Variants in EPHA3 observed in about 807,000 individuals in gnomAD.
The protein encoded by EPHA3 is EPH receptor A3.
EPHA3 carries 42 observed loss-of-function variants against 107.1 expected under a neutral mutation model. The ratio of observed to expected loss-of-function variants is 0.39; its 90% CI spans 0.31 to 0.51. The LOEUF (loss-of-function observed/expected upper bound fraction) is 0.51, where lower values mean the gene tolerates loss of function less well. Ranked by LOEUF, EPHA3 falls within the 20% of genes least tolerant of loss-of-function variation. EPHA3 has a pLI of 0.78. For synonymous variants in EPHA3, 461 were observed against 424.8 expected (o/e 1.09, Z -1.05); for missense variants, 1,183 against 1,211.2 (o/e 0.98, Z 0.35).
intron 2 of EPHA3, among the ~76,000 whole-genome samples, chr3:89,164,278 A>G (rs761529112): frequency 4.6e-5 from 7 of 152,180 alleles, no homozygotes; most frequent in Non-Finnish European, 1.0e-4. Context: ...AAAAATAATC[A>G]CCAAAAAACT....
At chr3:89,108,463 A>G (rs1425803081) in intron 1 of EPHA3, among the ~76,000 whole-genome samples, 1 of 152,224 alleles carries the variant, frequency 6.6e-6, no homozygotes, top group Non-Finnish European at 1.5e-5. Context: ...TGCAAGAATT[A>G]CAATAAGCTT....
At chr3:89,222,496 A>G (rs6796573) in intron 3 of EPHA3, among the ~76,000 whole-genome samples, 2,068 of 148,782 alleles carry the variant, frequency 0.014, 42 homozygotes, top group African/African-American at 0.048. Context: ...TAATATATGT[A>G]TTATATAAAT....
chr3:89,191,283 T>C (rs989655708), intron 2 of EPHA3, among the ~76,000 whole-genome samples: 2 of 151,554 alleles, frequency 1.3e-5, no homozygotes, highest in African/African-American at 4.8e-5. Context: ...ATTATATTTT[T>C]ATTTTTATTT....
In EPHA3 at chr3:89,481,901, A is replaced by G. The variant is rs926520705; in HGVS notation, c.*2399A>G. 1.9e-4 allele frequency: 44 copies of G among 228,602 alleles called. 1 individual carries two copies. Among genetic ancestry groups the G allele is most frequent in the African/African-American group, 6.9e-4 (31 of 45,194 alleles). 14.2% of individuals were successfully genotyped at this position (228,602 alleles called of 1,614,324 possible). ...TTTGTATCTTAAATTTGATTTACATATATTATTTATTTCTGGTAACTCACT... is the reference window on the plus strand; with the variant it reads ...TTTGTATCTTAAATTTGATTTACATGTATTATTTATTTCTGGTAACTCACT... On this transcript the variant is annotated 3_prime_UTR_variant, in exon 17 of 17. Transcript: ENST00000336596.
In EPHA3 at chr3:89,443,803, A is replaced by G. The variant is rs115758480; in HGVS notation, c.2347-5422A>G. Among the ~76,000 whole-genome samples the G allele has an allele frequency of 1.0e-2, 1,516 of 152,314 alleles. 27 individuals carry two copies. Among genetic ancestry groups the G allele is most frequent in the African/African-American group, 0.035 (1,452 of 41,570 alleles). On this transcript the variant is annotated intron_variant, in intron 13 of 16. Transcript: ENST00000336596. ...TAGGCAGGATAATAAAGCAGTAGAAAGATCACAGAGGATGGAATGACCAAC... is the reference window on the plus strand; with the variant it reads ...TAGGCAGGATAATAAAGCAGTAGAAGGATCACAGAGGATGGAATGACCAAC...
intron 5 of EPHA3, among the ~76,000 whole-genome samples, chr3:89,360,052 A>G (rs1382453743): frequency 6.7e-6 from 1 of 150,104 alleles, no homozygotes; most frequent in Non-Finnish European, 1.5e-5. Context: ...TGCCAGTCCT[A>G]TTTATCTAAC....
At chr3:89,271,363 G>T (rs1705665540) in intron 3 of EPHA3, among the ~76,000 whole-genome samples, 1 of 152,026 alleles carries the variant, frequency 6.6e-6, no homozygotes, top group Non-Finnish European at 1.5e-5. Flanking sequence ...GTACAGCAAA[G>T]TTAGGTATAT....
chr3:89,460,586 T>A (rs1434672317), intron 15 of EPHA3, among the ~76,000 whole-genome samples: 2 of 149,738 alleles, frequency 1.3e-5, no homozygotes, highest in African/African-American at 4.9e-5. Context: ...GTAAAAAGCT[T>A]CTGATCTCTA....
intron 5 of EPHA3, 144 bp from the exon 6 acceptor site, chr3:89,395,693 T>A (rs1708834725): frequency 8.4e-6 from 8 of 956,754 alleles, no homozygotes; most frequent in African/African-American, 1.6e-5. Context: ...GCCTTGGAAA[T>A]GGAAATAGTG....
intron 5 of EPHA3, among the ~76,000 whole-genome samples, chr3:89,352,170 T>C (rs1443186381): frequency 1.3e-5 from 2 of 151,380 alleles, no homozygotes; most frequent in African/African-American, 4.8e-5. Flanking sequence ...TCCTATCCTC[T>C]GCTTTAGACA....
rs1447002695 is a variant in EPHA3, at chr3:89,472,517, C to G, written c.2744C>G (p.Thr915Arg). 2 of 1,614,066 alleles carry G rather than the reference C, an allele frequency of 1.2e-6. No homozygotes were observed. The highest frequency in any genetic ancestry group is 2.2e-5 in the South Asian group (2 of 91,074). Residue 915 changes from threonine to arginine, a missense_variant, in exon 16 of 17, where the codon ACA becomes AGA. Coordinates refer to ENST00000336596, the MANE Select transcript of EPHA3 (RefSeq NM_005233.6). ...QSNVDITTFRTTGDWLNGVWT... is the reference protein window; with the variant it reads ...QSNVDITTFRRTGDWLNGVWT... ...AATGTGGATATCACTACCTTCCGCACAACAGGTGACTGGCTTAATGGTGTC... is the reference window on the plus strand; with the variant it reads ...AATGTGGATATCACTACCTTCCGCAGAACAGGTGACTGGCTTAATGGTGTC...
At chr3:89,123,479 CCTT>C (rs1393382269) in intron 1 of EPHA3, among the ~76,000 whole-genome samples, 1 of 152,162 alleles carries the variant, frequency 6.6e-6, no homozygotes, top group Non-Finnish European at 1.5e-5. Flanking sequence ...CCATTCTACA[CCTT>C]CTTATTTACG....
chr3:89,206,729 C>G (rs188253867), intron 2 of EPHA3, among the ~76,000 whole-genome samples: 81 of 152,246 alleles, frequency 5.3e-4, no homozygotes, highest in African/African-American at 1.9e-3. Context: ...CAATGTAAAA[C>G]CCTAAGAACT....
At chr3:89,349,925 G>A (rs1399729861) in intron 5 of EPHA3, among the ~76,000 whole-genome samples, 3,571 of 138,530 alleles carry the variant, frequency 0.026, 130 homozygotes, top group African/African-American at 0.098. Flanking sequence ...TCTTTTCTTT[G>A]AGAATGTTGA....
chr3:89,420,256 C>T lies in EPHA3; in HGVS notation c.2074+866C>T, dbSNP rs111548162. On this transcript the variant is annotated intron_variant, in intron 11 of 16. Coordinates refer to ENST00000336596, the MANE Select transcript of EPHA3 (RefSeq NM_005233.6). ...TTGGCACCACATTTACATACTCTAT[C>T]GTTACCAACAGACATATTTTTCATA... is the stretch of plus-strand genomic sequence containing the variant. Among the ~76,000 whole-genome samples the T allele has an allele frequency of 8.4e-4, 128 of 151,574 alleles. 1 individual carries two copies. In the Middle Eastern group the frequency reaches 0.014, roughly 16 times the overall value.
At chr3:89,313,160 T>G (rs1454182937) in intron 3 of EPHA3, among the ~76,000 whole-genome samples, 2 of 152,060 alleles carry the variant, frequency 1.3e-5, no homozygotes, top group Non-Finnish European at 2.9e-5. Context: ...CCAATTATTT[T>G]ATTTTACAAT....
At chr3:89,392,424 G>A (rs558707971) in intron 5 of EPHA3, among the ~76,000 whole-genome samples, 5 of 150,836 alleles carry the variant, frequency 3.3e-5, no homozygotes, top group Non-Finnish European at 7.4e-5. Context: ...GACAACAAGA[G>A]TGAAACTCCA....
intron 5 of EPHA3, among the ~76,000 whole-genome samples, chr3:89,380,904 G>A (rs1425445511): frequency 6.6e-6 from 1 of 152,000 alleles, no homozygotes; most frequent in Non-Finnish European, 1.5e-5. Context: ...AAGTAGCTGG[G>A]ATTACAGGTG....
intron 3 of EPHA3, among the ~76,000 whole-genome samples, chr3:89,275,781 G>A (rs59445960): frequency 0.013 from 1,908 of 152,088 alleles, 40 homozygotes; most frequent in African/African-American, 0.043. Flanking sequence ...AAAAATCTTG[G>A]TTTATTTTAT....
Sources: gnomAD v4.1 joint callset for allele counts (sites outside exome capture counted in the v4.1 genomes callset) on GRCh38, gnomAD v4.1.1 for gene constraint, MANE v1.5 for transcripts, NCBI Gene and HGNC (gene_info 2026-07-23, HGNC 2026-07-21) for gene names.